The following RALGPS1 variants were observed in gnomAD, a reference collection of about 807,000 sequenced individuals.
The protein encoded by RALGPS1 is ras-specific guanine nucleotide-releasing factor RalGPS1.
A neutral mutation model predicts 78.8 loss-of-function variants in RALGPS1; 19 were observed. The observed-to-expected ratio is 0.24, with a 90% CI of 0.17 to 0.35. RALGPS1 has a LOEUF of 0.35. RALGPS1 is among the 10% of genes least tolerant of loss of function. The pLI is 1.00. For synonymous variants in RALGPS1, 228 were observed against 256.3 expected, an observed-to-expected ratio of 0.89 and a Z score of 1.06; for missense variants, 454 against 688.3, an observed-to-expected ratio of 0.66 and a Z score of 3.81.
At chr9:126,960,718 C>G (rs1440822100) in intron 1 of RALGPS1, among the ~76,000 whole-genome samples, 1 of 152,198 alleles carries the variant, frequency 6.6e-6, no homozygotes, top group African/African-American at 2.4e-5. Context: ...TGGGCTAGAT[C>G]TTGCTCTCCA....
intron 8 of RALGPS1, among the ~76,000 whole-genome samples, chr9:127,120,787 C>CA (rs767226493): frequency 1.6e-4 from 24 of 151,322 alleles, no homozygotes; most frequent in Middle Eastern, 3.2e-3. Context: ...GAGATCATGC[C>CA]ACTGCACTCC....
chr9:127,099,308 T>C (rs1407914596), intron 8 of RALGPS1, among the ~76,000 whole-genome samples: 2 of 152,240 alleles, frequency 1.3e-5, no homozygotes. Flanking sequence ...TTCTGTGATA[T>C]CACTAAGATG....
At chr9:127,047,999 C>T (rs552738234) in intron 5 of RALGPS1, among the ~76,000 whole-genome samples, 2 of 152,314 alleles carry the variant, frequency 1.3e-5, no homozygotes, top group South Asian at 4.1e-4. Context: ...CTCAGACCTC[C>T]TCATCTCTCA....
chr9:127,022,107 C>T (rs2045510617), intron 4 of RALGPS1, among the ~76,000 whole-genome samples: 1 of 152,088 alleles, frequency 6.6e-6, no homozygotes, highest in African/African-American at 2.4e-5. Flanking sequence ...TCTGCTTATT[C>T]AGTGAGTACA....
rs529062484 is a variant in RALGPS1, at chr9:126,962,971, T to C, written c.57+625T>C. Among the ~76,000 whole-genome samples the C allele has an allele frequency of 1.1e-4, 17 of 152,346 alleles. No individual in the cohort carries two copies. In the South Asian group the frequency reaches 2.9e-3, roughly 26 times the overall value. On this transcript the variant is annotated intron_variant, in intron 2 of 18. Transcript: ENST00000259351. ...GCCCACAAGGCCCTCCTCATTATGC[T>C]AGGCTTTTGAAGTGATCCTGGGTAA...
chr9:127,123,706 G>A (rs1251778128), intron 8 of RALGPS1, among the ~76,000 whole-genome samples: 1 of 152,190 alleles, frequency 6.6e-6, no homozygotes, highest in Non-Finnish European at 1.5e-5. Flanking sequence ...AGTAAGAAAG[G>A]AGAGGATGGC....
intron 8 of RALGPS1, among the ~76,000 whole-genome samples, chr9:127,115,993 G>C (rs1384571213): frequency 6.6e-6 from 1 of 152,206 alleles, no homozygotes; most frequent in Non-Finnish European, 1.5e-5. Flanking sequence ...GGCACCTGGG[G>C]AGTCTGGAGT....
chr9:126,915,326 GGGCGGGGCC>G (rs1203463940), intron 1 of RALGPS1: 2 of 141,320 alleles, frequency 1.4e-5, no homozygotes, highest in Admixed American at 7.0e-5. Flanking sequence ...CAGGTGCGGG[GGGCGGGGCC>G]GGCGGGGCTG....
At chr9:127,040,967 A>G (rs1478542405) in intron 5 of RALGPS1, among the ~76,000 whole-genome samples, 1 of 151,382 alleles carries the variant, frequency 6.6e-6, no homozygotes, top group Non-Finnish European at 1.5e-5. Flanking sequence ...CACTTACTGA[A>G]GGACATCTCA....
intron 8 of RALGPS1, among the ~76,000 whole-genome samples, chr9:127,074,102 G>A (rs998705594): frequency 5.9e-5 from 9 of 152,038 alleles, no homozygotes; most frequent in Non-Finnish European, 1.3e-4. Flanking sequence ...GGCTGGTCTC[G>A]AACTCCTGAC....
At chr9:127,005,088 A>G (rs2043711324) in intron 4 of RALGPS1, among the ~76,000 whole-genome samples, 1 of 152,176 alleles carries the variant, frequency 6.6e-6, no homozygotes, top group Admixed American at 6.5e-5. Flanking sequence ...TTCCTGTGTC[A>G]AGTGATGTGA....
chr9:127,217,008 G>C (rs1010803827), intron 18 of RALGPS1: 2 of 1,526,556 alleles, frequency 1.3e-6, no homozygotes, highest in African/African-American at 2.8e-5. Context: ...CTGAAGCCTG[G>C]GCACCATGGT....
At chr9:127,162,567 C>T (rs1031621230) in intron 8 of RALGPS1, among the ~76,000 whole-genome samples, 2 of 152,204 alleles carry the variant, frequency 1.3e-5, no homozygotes, top group African/African-American at 4.8e-5. Flanking sequence ...CTCCCCACAT[C>T]ACTGGAGCCA....
chr9:127,124,659 A>T (rs2056471762), intron 8 of RALGPS1, among the ~76,000 whole-genome samples: 1 of 152,192 alleles, frequency 6.6e-6, no homozygotes, highest in Non-Finnish European at 1.5e-5. Flanking sequence ...CCTTTAGAGG[A>T]GCTGAGAGAA....
At chr9:127,126,854 C>CT (rs1054551518) in intron 8 of RALGPS1, among the ~76,000 whole-genome samples, 73 of 152,164 alleles carry the variant, frequency 4.8e-4, no homozygotes, top group Admixed American at 5.9e-4. Context: ...GATTTTACTG[C>CT]TTTTTTTTCT....
chr9:127,036,607 T>C (rs1419953573), intron 5 of RALGPS1, among the ~76,000 whole-genome samples: 1 of 152,176 alleles, frequency 6.6e-6, no homozygotes, highest in African/African-American at 2.4e-5. Flanking sequence ...TTGAGGCTTC[T>C]TGTGGCCAAA....
At chr9:127,088,317 G>T (rs1383553547) in intron 8 of RALGPS1, 1 of 152,286 alleles carries the variant, frequency 6.6e-6, no homozygotes, top group Admixed American at 6.5e-5. Context: ...GAACCTCTAT[G>T]TGAGAGATTA....
intron 1 of RALGPS1, among the ~76,000 whole-genome samples, chr9:126,950,389 A>G (rs1473560340): frequency 6.6e-6 from 1 of 152,214 alleles, no homozygotes; most frequent in Non-Finnish European, 1.5e-5. Flanking sequence ...CATTGAATCT[A>G]TAAATCACCT....
intron 8 of RALGPS1, among the ~76,000 whole-genome samples, chr9:127,081,369 A>G (rs1299658121): frequency 6.6e-6 from 1 of 152,066 alleles, no homozygotes; most frequent in Non-Finnish European, 1.5e-5. Context: ...TCCTTATTCC[A>G]TCTCCCTGTG....
Sources: allele counts gnomAD v4.1 joint callset (sites outside exome capture counted in the v4.1 genomes callset), GRCh38; gene constraint gnomAD v4.1.1; transcripts MANE v1.5; gene names NCBI Gene and HGNC (gene_info 2026-07-23, HGNC 2026-07-21).